The following PDE1A variants were observed in gnomAD, a reference collection of about 807,000 sequenced individuals.
PDE1A encodes the protein dual specificity calcium/calmodulin-dependent 3',5'-cyclic nucleotide phosphodiesterase 1A.
Under a neutral mutation model 61.7 loss-of-function variants are expected in PDE1A, and 35 were observed. The observed-to-expected ratio is 0.57, with a 90% CI of 0.43 to 0.75. The LOEUF is 0.75. PDE1A is among the 30% of genes least tolerant of loss of function. The pLI is 0.00. For missense variants in PDE1A, 597 were observed against 630.6 expected (o/e 0.95, Z 0.57); for synonymous variants, 232 against 213.2 (o/e 1.09, Z -0.77).
At chr2:182,573,255 G>A in the PDE1A span, among the ~76,000 whole-genome samples, 1 of 151,990 alleles carries the variant, frequency 6.6e-6, no homozygotes, top group South Asian at 2.1e-4. Context: ...GTAACTGTTG[G>A]GTGTAAAATA....
chr2:182,387,668 G>C (rs957274395), intron 1 of PDE1A, among the ~76,000 whole-genome samples: 1 of 151,740 alleles, frequency 6.6e-6, no homozygotes, highest in Admixed American at 6.6e-5. Context: ...GAGGCATGAG[G>C]ATTACTTGAA....
At chr2:182,654,997 T>G in the PDE1A span, among the ~76,000 whole-genome samples, 1 of 152,148 alleles carries the variant, frequency 6.6e-6, no homozygotes, top group African/African-American at 2.4e-5. Context: ...GTACCACCAT[T>G]TGGCCTCAGA....
At chr2:182,238,264 G>A (rs1305507133) in intron 3 of PDE1A, among the ~76,000 whole-genome samples, 2 of 28,118 alleles carry the variant, frequency 7.1e-5, no homozygotes, top group Admixed American at 4.1e-4. Context: ...GCCAGACTAC[G>A]TCAAAAAAAA....
At chr2:182,633,898 A>G in the PDE1A span, among the ~76,000 whole-genome samples, 2 of 152,110 alleles carry the variant, frequency 1.3e-5, no homozygotes, top group African/African-American at 4.8e-5. Flanking sequence ...AGCCTGGCCA[A>G]CATGGCGAAA....
At chr2:182,354,346 G>A (rs867270013) in intron 1 of PDE1A, among the ~76,000 whole-genome samples, 3 of 152,206 alleles carry the variant, frequency 2.0e-5, no homozygotes, top group Middle Eastern at 6.8e-3. Context: ...ATATTTGAAA[G>A]CGAGAACAGG....
At chr2:182,715,709 G>T in the PDE1A span, among the ~76,000 whole-genome samples, 1 of 152,150 alleles carries the variant, frequency 6.6e-6, no homozygotes, top group African/African-American at 2.4e-5. Flanking sequence ...AAATATTGTA[G>T]AAGTCTCAAA....
intron 1 of PDE1A, among the ~76,000 whole-genome samples, chr2:182,292,083 G>A (rs188708049): frequency 1.0e-3 from 152 of 152,140 alleles, no homozygotes; most frequent in Non-Finnish European, 1.7e-3. Context: ...GGAAATAAAT[G>A]TCTCTATGAT....
chr2:182,341,021 A>T (rs753877365), intron 1 of PDE1A, among the ~76,000 whole-genome samples: 11 of 152,254 alleles, frequency 7.2e-5, no homozygotes, highest in Non-Finnish European at 1.2e-4. Flanking sequence ...GTTTTCTAAC[A>T]TGCTCTGGCA....
At chr2:182,669,761 T>C in the PDE1A span, among the ~76,000 whole-genome samples, 1 of 152,234 alleles carries the variant, frequency 6.6e-6, no homozygotes, top group African/African-American at 2.4e-5. Context: ...TTTTACGCCA[T>C]GTGTATGGTA....
Position 182,172,731 on chromosome 2 carries a change from G to A in PDE1A, c.1517-4441C>T, listed in dbSNP as rs73040201. Among the ~76,000 whole-genome samples the A allele has an allele frequency of 7.4e-3, 1,128 of 152,174 alleles. 11 individuals carry two copies. Among genetic ancestry groups the A allele is most frequent in the African/African-American group, 0.025 (1,032 of 41,556 alleles). On this transcript the variant is annotated intron_variant, in intron 13 of 13. Transcript: ENST00000351439. ...AAATGATAGGCTTCTTGGAGAAGAT[G>A]GCATTTTAATTGAATCTTGGAAGAC...
chr2:182,411,020 G>GA (rs1702579528), intron 1 of PDE1A, among the ~76,000 whole-genome samples: 2 of 152,106 alleles, frequency 1.3e-5, no homozygotes, highest in Non-Finnish European at 2.9e-5. Context: ...CATTCATACT[G>GA]AAAACTACAC....
chr2:182,345,367 T>A (rs1398564319), intron 1 of PDE1A, among the ~76,000 whole-genome samples: 1 of 152,192 alleles, frequency 6.6e-6, no homozygotes, highest in Non-Finnish European at 1.5e-5. Flanking sequence ...AATCCAGGAC[T>A]TAGGACACAA....
chr2:182,692,607 A>T, the PDE1A span, among the ~76,000 whole-genome samples: 162 of 151,602 alleles, frequency 1.1e-3, 1 homozygote, highest in African/African-American at 3.8e-3. Flanking sequence ...AACATGGCAC[A>T]TGTATACATA....
the PDE1A span, among the ~76,000 whole-genome samples, chr2:182,656,202 C>A: frequency 4.9e-4 from 75 of 152,298 alleles, no homozygotes; most frequent in Admixed American, 1.8e-3. Flanking sequence ...GAGTTCTCAT[C>A]ATTCCACTGA....
chr2:182,573,849 TTATATATTTATATATACATATGTA>T, the PDE1A span, among the ~76,000 whole-genome samples: 1 of 142,220 alleles, frequency 7.0e-6, no homozygotes. Context: ...ATATATATAT[TTATATATTTATATATACATATGTA>T]TATATATTAA....
intron 2 of PDE1A, among the ~76,000 whole-genome samples, chr2:182,436,310 T>C (rs1262969042): frequency 2.6e-5 from 4 of 152,050 alleles, no homozygotes; most frequent in Non-Finnish European, 5.9e-5. Flanking sequence ...TGAATATCAA[T>C]GTATCATTAC....
chr2:182,459,978 C>T (rs2125758776), intron 2 of PDE1A, among the ~76,000 whole-genome samples: 1 of 152,256 alleles, frequency 6.6e-6, no homozygotes, highest in East Asian at 1.9e-4. Flanking sequence ...CACTTCTTAG[C>T]CACCTCAATC....
intron 1 of PDE1A, among the ~76,000 whole-genome samples, chr2:182,359,399 C>A (rs1252808975): frequency 6.6e-6 from 1 of 152,064 alleles, no homozygotes; most frequent in Non-Finnish European, 1.5e-5. Context: ...TTTTATTGAG[C>A]GACTTTATAA....
intron 1 of PDE1A, among the ~76,000 whole-genome samples, chr2:182,350,308 T>C (rs1698795464): frequency 6.6e-6 from 1 of 152,214 alleles, no homozygotes; most frequent in African/African-American, 2.4e-5. Context: ...CTATGAGAGA[T>C]GGAACTTCTG....
Sources: gnomAD v4.1 joint callset for allele counts (sites outside exome capture counted in the v4.1 genomes callset) on GRCh38, gnomAD v4.1.1 for gene constraint, MANE v1.5 for transcripts, NCBI Gene and HGNC (gene_info 2026-07-23, HGNC 2026-07-21) for gene names.